Variants in ADK observed in about 807,000 individuals in gnomAD.
ADK encodes the protein N6,N6-dimethyladenosine kinase.
A neutral mutation model predicts 44.7 loss-of-function variants in ADK; 24 were observed. That is an observed-to-expected ratio of 0.54 (90% confidence interval 0.39 to 0.76). ADK has a LOEUF of 0.76. ADK is among the 30% of genes least tolerant of loss of function. The pLI is 0.00. For missense variants in ADK, 321 were observed against 425.1 expected (o/e 0.76, Z 2.15); for synonymous variants, 128 against 142.6 (o/e 0.90, Z 0.73).
At chr10:74,533,937 C>G (rs1482768252) in intron 7 of ADK, among the ~76,000 whole-genome samples, 2 of 152,144 alleles carry the variant, frequency 1.3e-5, no homozygotes, top group Admixed American at 1.3e-4. Context: ...TAGAATACTA[C>G]TCAACTATAA....
At chr10:74,587,866 A>G (rs1416796145) in intron 7 of ADK, among the ~76,000 whole-genome samples, 1 of 152,048 alleles carries the variant, frequency 6.6e-6, no homozygotes, top group Non-Finnish European at 1.5e-5. Flanking sequence ...GATTACACAT[A>G]TGTATTTTTG....
chr10:74,571,770 G>C (rs557539655), intron 7 of ADK, among the ~76,000 whole-genome samples: 18 of 151,868 alleles, frequency 1.2e-4, no homozygotes, highest in Non-Finnish European at 1.9e-4. Flanking sequence ...AGGGTTTTTT[G>C]TGTCTCTATT....
chr10:74,201,147 G>A (rs996743178), intron 2 of ADK, among the ~76,000 whole-genome samples: 7 of 152,058 alleles, frequency 4.6e-5, no homozygotes, highest in Admixed American at 4.6e-4. Context: ...AGTGAGCTAC[G>A]TCTATAATGG....
intron 4 of ADK, among the ~76,000 whole-genome samples, chr10:74,358,752 T>A (rs1467125644): frequency 6.6e-6 from 1 of 152,242 alleles, no homozygotes; most frequent in Non-Finnish European, 1.5e-5. Context: ...CATTCATAAA[T>A]ATAGCAACAT....
chr10:74,660,902 C>T (rs938289119), intron 9 of ADK, among the ~76,000 whole-genome samples: 1 of 151,792 alleles, frequency 6.6e-6, no homozygotes, highest in East Asian at 1.9e-4. Flanking sequence ...CGTGGTGGCA[C>T]GCACCTGCTG....
chr10:74,639,231 G>A (rs6480744), intron 9 of ADK, among the ~76,000 whole-genome samples: 28,752 of 152,120 alleles, frequency 0.19, 3,082 homozygotes, highest in African/African-American at 0.28. Context: ...TAAAAGAATT[G>A]TTATTTGATA....
At chr10:74,349,961 G>A (rs145571857) in intron 4 of ADK, among the ~76,000 whole-genome samples, 2,066 of 152,214 alleles carry the variant, frequency 0.014, 101 homozygotes, top group Admixed American at 0.093. Context: ...CACAATAATA[G>A]TGGGAGACTT....
rs1842047787 is a variant in ADK, at chr10:74,353,838, A to T, written c.273+39093A>T. Among the ~76,000 whole-genome samples, 3 of 152,276 alleles carry T rather than the reference A, an allele frequency of 2.0e-5. No homozygotes were observed. The South Asian group carries it at 6.2e-4, about 32-fold the overall frequency. On this transcript the variant is annotated intron_variant, in intron 4 of 10. Transcript: ENST00000539909. Reference sequence around the variant, plus strand: ...AGCTGAGATTGCGCCACTGCACTCCAGCTCTGGCGACAGAGCGAGACTCTG... The same window carrying T: ...AGCTGAGATTGCGCCACTGCACTCCTGCTCTGGCGACAGAGCGAGACTCTG...
At chr10:74,198,539 G>A (rs1843247937) in intron 1 of ADK, among the ~76,000 whole-genome samples, 2 of 152,184 alleles carry the variant, frequency 1.3e-5, no homozygotes, top group Admixed American at 6.5e-5. Context: ...TTGCCAAATG[G>A]TGAGAATGGT....
At chr10:74,432,754 A>T (rs1845046123) in intron 6 of ADK, among the ~76,000 whole-genome samples, 1 of 152,214 alleles carries the variant, frequency 6.6e-6, no homozygotes, top group African/African-American at 2.4e-5. Flanking sequence ...GTACTTATAT[A>T]TACATTTTAA....
chr10:74,618,710 C>A (rs1280644330), intron 9 of ADK, among the ~76,000 whole-genome samples: 2 of 151,994 alleles, frequency 1.3e-5, no homozygotes, highest in Admixed American at 1.3e-4. Context: ...CTTTTGGATT[C>A]TCTTATTTTT....
At chr10:74,547,999 G>A (rs1308622252) in intron 7 of ADK, among the ~76,000 whole-genome samples, 1 of 149,664 alleles carries the variant, frequency 6.7e-6, no homozygotes, top group Non-Finnish European at 1.5e-5. Context: ...TCATCATGTT[G>A]GCCATGACGG....
intron 4 of ADK, among the ~76,000 whole-genome samples, chr10:74,327,295 T>G (rs1423281030): frequency 1.3e-5 from 2 of 152,222 alleles, no homozygotes; most frequent in Non-Finnish European, 2.9e-5. Context: ...TTTCCATGTA[T>G]TTGTAGAGTT....
chr10:74,485,028 ATAAG>A, intron 6 of ADK, among the ~76,000 whole-genome samples: 1 of 152,196 alleles, frequency 6.6e-6, no homozygotes, highest in Admixed American at 6.5e-5. Flanking sequence ...GCAAAGACTA[ATAAG>A]TTGTACCACA....
chr10:74,397,517 T>C (rs896715913), intron 5 of ADK, among the ~76,000 whole-genome samples: 3 of 152,060 alleles, frequency 2.0e-5, no homozygotes, highest in African/African-American at 7.2e-5. Context: ...CAAGTGACAC[T>C]TGTAGCAGGA....
At chr10:74,325,504 G>T (rs1323768279) in intron 4 of ADK, among the ~76,000 whole-genome samples, 2 of 151,902 alleles carry the variant, frequency 1.3e-5, no homozygotes, top group Non-Finnish European at 2.9e-5. Flanking sequence ...GTTCTGGCTG[G>T]GTCTTCTAGA....
chr10:74,284,538 A>G (rs1847085372), intron 3 of ADK, among the ~76,000 whole-genome samples: 1 of 152,266 alleles, frequency 6.6e-6, no homozygotes. Context: ...TGCTGGGATT[A>G]CAGGCGTGAG....
chr10:74,369,374 A>G (rs1182886901), intron 4 of ADK, among the ~76,000 whole-genome samples: 1 of 152,200 alleles, frequency 6.6e-6, no homozygotes, highest in African/African-American at 2.4e-5. Context: ...AGAGTTCTTT[A>G]TCTAACAAAT....
intron 6 of ADK, among the ~76,000 whole-genome samples, chr10:74,474,997 C>T (rs1160051468): frequency 2.0e-5 from 3 of 152,064 alleles, no homozygotes; most frequent in Non-Finnish European, 4.4e-5. Context: ...TGGTGGCACG[C>T]ACCTGTAATC....
Sources: allele counts gnomAD v4.1 joint callset (sites outside exome capture counted in the v4.1 genomes callset), GRCh38; gene constraint gnomAD v4.1.1; transcripts MANE v1.5; gene names NCBI Gene and HGNC (gene_info 2026-07-23, HGNC 2026-07-21).